CYFIP1: variants seen among roughly 807,000 people sequenced by gnomAD.
The protein encoded by CYFIP1 is cytoplasmic FMR1-interacting protein 1.
In CYFIP1, 58 loss-of-function variants were observed where a neutral mutation model predicts 163.5. The ratio of observed to expected loss-of-function variants is 0.35; its 90% CI spans 0.29 to 0.44. The LOEUF (loss-of-function observed/expected upper bound fraction) is 0.44, where lower values mean the gene tolerates loss of function less well. Ranked by LOEUF, CYFIP1 falls within the 20% of genes least tolerant of loss-of-function variation. CYFIP1 has a pLI of 1.00. For missense variants in CYFIP1, 1,338 were observed against 1,653.8 expected (o/e 0.81, Z 3.31); for synonymous variants, 663 against 660.7 (o/e 1.00, Z -0.05).
chr15:22,904,014 G>C (rs567899391), intron 21 of CYFIP1, 109 bp from the exon 22 acceptor site: 2 of 1,002,786 alleles, frequency 2.0e-6, no homozygotes, highest in African/African-American at 1.6e-5. Context: ...AGGGCTGCAC[G>C]GAGGCAGCCC....
intron 1 of CYFIP1, among the ~76,000 whole-genome samples, chr15:22,949,914 A>C (rs1452340287): frequency 6.6e-6 from 1 of 152,046 alleles, no homozygotes; most frequent in East Asian, 1.9e-4. Context: ...GGATCACTTG[A>C]GTCCAGGAGT....
chr15:22,959,248 C>T (rs1193374899), intron 1 of CYFIP1, among the ~76,000 whole-genome samples: 3 of 152,140 alleles, frequency 2.0e-5, no homozygotes, highest in Non-Finnish European at 4.4e-5. Flanking sequence ...TCCTCGACGA[C>T]GGCCATTCCT....
chr15:22,910,915 C>G (rs1234288500), intron 18 of CYFIP1, 102 bp from the exon 19 acceptor site: 3 of 1,029,210 alleles, frequency 2.9e-6, no homozygotes, highest in African/African-American at 3.2e-5. Context: ...AACTGAGGCT[C>G]TTTTATTTTT....
intron 23 of CYFIP1, among the ~76,000 whole-genome samples, chr15:22,890,450 C>T (rs1458551870): frequency 3.3e-5 from 5 of 152,286 alleles, no homozygotes; most frequent in East Asian, 1.9e-4. Flanking sequence ...ACAGCTGTGG[C>T]GCACCCCTGC....
At chr15:22,947,585 TG>T (rs1337529467) in intron 1 of CYFIP1, among the ~76,000 whole-genome samples, 1 of 151,892 alleles carries the variant, frequency 6.6e-6, no homozygotes, top group Non-Finnish European at 1.5e-5. Flanking sequence ...CTTCCCACCA[TG>T]GGGGCCGCCG....
chr15:22,980,181 G>GA (rs1241367778), intron 1 of CYFIP1, 106 bp downstream of exon 1: 1 of 149,724 alleles, frequency 6.7e-6, no homozygotes, highest in Non-Finnish European at 1.5e-5. Flanking sequence ...GGGGGGAGGG[G>GA]GGGGTCCGTC....
intron 13 of CYFIP1, among the ~76,000 whole-genome samples, chr15:22,919,900 T>C (rs1192791008): frequency 6.6e-6 from 1 of 151,820 alleles, no homozygotes; most frequent in East Asian, 2.0e-4. Context: ...CATGAGCCTA[T>C]AGTCCCAGCT....
At chr15:22,964,142 G>GT (rs1244426586) in intron 1 of CYFIP1, among the ~76,000 whole-genome samples, 1 of 148,214 alleles carries the variant, frequency 6.7e-6, no homozygotes, top group Admixed American at 6.8e-5. Context: ...TTACGCATAT[G>GT]TATCACTTCA....
At chr15:22,951,596 C>T in intron 1 of CYFIP1, 1 of 1,268,188 alleles carries the variant, frequency 7.9e-7, no homozygotes, top group Non-Finnish European at 1.0e-6. Context: ...CCAGATAGTG[C>T]CAGGAGAGGC....
intron 30 of CYFIP1, among the ~76,000 whole-genome samples, chr15:22,871,855 C>T (rs1183372448): frequency 1.3e-5 from 2 of 152,158 alleles, no homozygotes; most frequent in South Asian, 2.1e-4. Context: ...GAACCCAGCA[C>T]CTCAGACACT....
chr15:22,871,420 C>T (rs1263238551), intron 30 of CYFIP1, among the ~76,000 whole-genome samples: 3 of 152,196 alleles, frequency 2.0e-5, no homozygotes, highest in African/African-American at 7.2e-5. Context: ...AGAGTAAAAG[C>T]TCAGCAGATT....
At chr15:22,926,174 C>CACACGAT in intron 12 of CYFIP1, 67 bp from the exon 13 acceptor site, 2 of 1,601,458 alleles carry the variant, frequency 1.2e-6, no homozygotes, top group Non-Finnish European at 1.7e-6. Context: ...TGGTCTGACT[C>CACACGAT]ACACGATGGT....
At position 22,872,822 on chromosome 15, in the gene CYFIP1, TACC is replaced by T; in HGVS notation, c.3597_3597+2del. On this transcript the variant is annotated splice_donor_variant and coding_sequence_variant, in exon 30 of 31. Transcript: ENST00000617928. LOFTEE classifies it high-confidence loss of function. ...AGATGGTGCGAGATTTTCATCCACA[TACC>T]ACATTTTTAATAATCTCATCTTTGC... The T allele has an allele frequency of 6.2e-7, 1 of 1,613,870 alleles. No individual in the cohort carries two copies. Among genetic ancestry groups the T allele is most frequent in the Non-Finnish European group, 8.5e-7 (1 of 1,179,766 alleles).
chr15:22,941,237 G>GT (rs139457799), intron 6 of CYFIP1, among the ~76,000 whole-genome samples: 29,198 of 151,334 alleles, frequency 0.19, 3,090 homozygotes, highest in African/African-American at 0.24. Context: ...TTTTGCTCTT[G>GT]TTTTTTTAGA....
intron 12 of CYFIP1, among the ~76,000 whole-genome samples, chr15:22,927,571 C>G (rs977847958): frequency 2.0e-5 from 3 of 150,686 alleles, no homozygotes; most frequent in Admixed American, 6.6e-5. Flanking sequence ...GCAGAAGGAT[C>G]GCTTGGGGTG....
chr15:22,926,892 A>G (rs2061373349), intron 12 of CYFIP1, among the ~76,000 whole-genome samples: 1 of 152,238 alleles, frequency 6.6e-6, no homozygotes, highest in East Asian at 1.9e-4. Flanking sequence ...CATAAGGACA[A>G]ATATTTATGG....
chr15:22,928,434 A>AATAG (rs2061428915), intron 11 of CYFIP1, among the ~76,000 whole-genome samples: 1 of 142,944 alleles, frequency 7.0e-6, no homozygotes. Context: ...TAAATAAATA[A>AATAG]AAAGAAAATA....
At chr15:22,958,651 C>T (rs1454185207) in intron 1 of CYFIP1, among the ~76,000 whole-genome samples, 1 of 152,158 alleles carries the variant, frequency 6.6e-6, no homozygotes, top group Non-Finnish European at 1.5e-5. Flanking sequence ...GTCTCACAAC[C>T]TCCTAACATC....
chr15:22,941,691 T>C (rs1033352618), intron 6 of CYFIP1, among the ~76,000 whole-genome samples: 3 of 152,040 alleles, frequency 2.0e-5, no homozygotes, highest in African/African-American at 7.2e-5. Flanking sequence ...CAGGGGAACC[T>C]GGAGGTGGTG....
Sources: allele counts gnomAD v4.1 joint callset (sites outside exome capture counted in the v4.1 genomes callset), GRCh38; gene constraint gnomAD v4.1.1; transcripts MANE v1.5; gene names NCBI Gene and HGNC (gene_info 2026-07-23, HGNC 2026-07-21).